The following GNA12 variants were observed in gnomAD, a reference collection of about 807,000 sequenced individuals.
The protein encoded by GNA12 is G protein subunit alpha 12, also known as guanine nucleotide-binding protein subunit alpha-12.
GNA12 carries 9 observed loss-of-function variants against 26.0 expected under a neutral mutation model. The ratio of observed to expected loss-of-function variants is 0.35; its 90% CI spans 0.21 to 0.60. The LOEUF is 0.60. Among genes scored for constraint, GNA12 ranks in the 20% least tolerant of loss-of-function variants. The pLI is 0.78. For missense variants in GNA12, 405 were observed against 525.8 expected, an observed-to-expected ratio of 0.77 and a Z score of 2.25; for synonymous variants, 264 against 219.6, an observed-to-expected ratio of 1.20 and a Z score of -1.79.
At chr7:2,814,179 T>C (rs1793158254) in intron 1 of GNA12, 1 of 637,254 alleles carries the variant, frequency 1.6e-6, no homozygotes, top group Admixed American at 2.6e-5. Flanking sequence ...GCTCCCAGAA[T>C]CACGTGAGTG....
chr7:2,808,500 G>C (rs987163631), intron 1 of GNA12, among the ~76,000 whole-genome samples: 2 of 152,208 alleles, frequency 1.3e-5, no homozygotes, highest in African/African-American at 4.8e-5. Context: ...CTGTGGGCCT[G>C]AATTTGGATG....
At chr7:2,734,748 C>T (rs752547158) in intron 2 of GNA12, among the ~76,000 whole-genome samples, 8 of 152,206 alleles carry the variant, frequency 5.3e-5, no homozygotes, top group Non-Finnish European at 7.3e-5. Context: ...CAGAAACACA[C>T]GTCTCCCCAT....
intron 1 of GNA12, among the ~76,000 whole-genome samples, chr7:2,814,547 T>C (rs1257985342): frequency 6.6e-6 from 1 of 151,990 alleles, no homozygotes; most frequent in African/African-American, 2.4e-5. Context: ...AAGTCTTTAC[T>C]GGGAAGGCCT....
intron 1 of GNA12, chr7:2,835,660 A>T (rs1183869196): frequency 2.1e-6 from 2 of 970,460 alleles, no homozygotes; most frequent in Non-Finnish European, 3.3e-6. Context: ...AGAAGATGTC[A>T]ATGTTACTTT....
In GNA12 at chr7:2,731,534, T is replaced by C; in HGVS notation, c.793A>G (p.Arg265Gly). The C allele has an allele frequency of 1.2e-6, 2 of 1,611,876 alleles. No homozygotes were observed. The highest frequency in any genetic ancestry group is 1.7e-6 in the Non-Finnish European group (2 of 1,178,404). ...GACTCCACCAGCCGGTTGGTGCGCC[T>C]GTCCTCCATGAGGACCTGGTCGTAC... Reference protein sequence around the residue: ...SEYDQVLMEDRRTNRLVESMN... With the variant: ...SEYDQVLMEDGRTNRLVESMN... The change falls in exon 4 of 4, where the codon AGG becomes GGG. Residue 265 changes from arginine to glycine, a missense_variant. Transcript: ENST00000275364. This position sits in a 1 kb window ranked among gnomAD's most constrained non-coding sequence, Gnocchi z 6.0.
chr7:2,733,583 G>A (rs547403146), intron 2 of GNA12, 82 bp from the exon 3 acceptor site: 4 of 1,075,436 alleles, frequency 3.7e-6, no homozygotes, highest in Admixed American at 1.8e-5. Flanking sequence ...AACAGGGTAA[G>A]AGCAGTGGCA....
chr7:2,842,260 T>TA (rs1441479926), intron 1 of GNA12, among the ~76,000 whole-genome samples: 2 of 152,206 alleles, frequency 1.3e-5, no homozygotes, highest in Admixed American at 6.5e-5. Context: ...TGAGGCCCTT[T>TA]AACACAGGCT....
At chr7:2,764,703 A>G (rs1303804778) in intron 2 of GNA12, 2 of 152,140 alleles carry the variant, frequency 1.3e-5, no homozygotes, top group East Asian at 1.9e-4. Flanking sequence ...ATTTCTCTGT[A>G]AACTGTAGGT....
At chr7:2,815,026 C>T in intron 1 of GNA12, 1 of 1,511,980 alleles carries the variant, frequency 6.6e-7, no homozygotes, top group Non-Finnish European at 8.9e-7. Context: ...CCACCCAATC[C>T]AGTCCCCTGT....
Position 2,728,490 on chromosome 7 carries a change from T to TA in GNA12, c.*2690dup, listed in dbSNP as rs1309085519. ...ACAATTTCTCTACGAACATAAGAGT[T>TA]AAAAATAGATTTCAGTAAAACCCTA... On this transcript the variant is annotated 3_prime_UTR_variant, in exon 4 of 4. Transcript: ENST00000275364. The TA allele has an allele frequency of 2.6e-5, 4 of 152,414 alleles. No homozygotes were observed. Among genetic ancestry groups the TA allele is most frequent in the African/African-American group, 4.8e-5 (2 of 41,458 alleles). 9.4% of individuals were successfully genotyped at this position (152,414 alleles called of 1,614,324 possible).
At chr7:2,776,035 G>A (rs912653120) in intron 2 of GNA12, among the ~76,000 whole-genome samples, 2 of 152,230 alleles carry the variant, frequency 1.3e-5, no homozygotes, top group Non-Finnish European at 2.9e-5. Flanking sequence ...AGCCCTGGGG[G>A]CTAACAATGG....
rs924711250 is a variant in GNA12, at chr7:2,844,281, C to T, written c.-120G>A. 2.9e-6 allele frequency: 1 copy of T among 343,036 alleles called. No individual in the cohort carries two copies. The highest frequency in any genetic ancestry group is 2.2e-5 in the African/African-American group (1 of 44,798). 21.2% of individuals were successfully genotyped at this position (343,036 alleles called of 1,614,324 possible). A position where few individuals can be genotyped will look rare whatever the true frequency, so the allele number is the denominator to read the frequency against. Reference sequence around the variant, plus strand: ...CCCCGCCGCTCGCCTCAGGCCGCGTCCGCCGCCGCCGCTGCAGTCGCTCCG... The same window carrying T: ...CCCCGCCGCTCGCCTCAGGCCGCGTTCGCCGCCGCCGCTGCAGTCGCTCCG... On this transcript the variant is annotated 5_prime_UTR_variant, in exon 1 of 4. Coordinates refer to ENST00000275364, the MANE Select transcript of GNA12 (RefSeq NM_007353.3).
intron 2 of GNA12, among the ~76,000 whole-genome samples, chr7:2,793,339 G>A (rs2644307): frequency 0.33 from 50,071 of 151,498 alleles, 9,330 homozygotes; most frequent in Non-Finnish European, 0.41. Context: ...GACGCGAGAG[G>A]AAGCAGCGGA....
At chr7:2,813,735 C>A (rs1365298976) in intron 1 of GNA12, among the ~76,000 whole-genome samples, 1 of 152,192 alleles carries the variant, frequency 6.6e-6, no homozygotes, top group East Asian at 1.9e-4. Flanking sequence ...TCTGGGGCCA[C>A]GCCTAAGTCT....
At chr7:2,769,224 T>TGGAC (rs1459004553) in intron 2 of GNA12, among the ~76,000 whole-genome samples, 1 of 152,140 alleles carries the variant, frequency 6.6e-6, no homozygotes, top group Non-Finnish European at 1.5e-5. Context: ...TGTTTCTGTG[T>TGGAC]GGACCTTCAT....
chr7:2,823,213 C>T (rs1793407543), intron 1 of GNA12, among the ~76,000 whole-genome samples: 1 of 152,174 alleles, frequency 6.6e-6, no homozygotes, highest in Admixed American at 6.5e-5. Flanking sequence ...CCTGAAGAAC[C>T]CTTCTGTCTG....
chr7:2,759,029 A>T (rs1237755092), intron 2 of GNA12, among the ~76,000 whole-genome samples: 1 of 151,860 alleles, frequency 6.6e-6, no homozygotes, highest in Non-Finnish European at 1.5e-5. Flanking sequence ...AATCCCAGCT[A>T]CTGGGGAGGC....
At chr7:2,773,151 G>A (rs2082980864) in intron 2 of GNA12, among the ~76,000 whole-genome samples, 1 of 152,240 alleles carries the variant, frequency 6.6e-6, no homozygotes, top group South Asian at 2.1e-4. Flanking sequence ...TTTCTTGGAT[G>A]CTGAAATGTT....
In GNA12 at chr7:2,775,923, C is replaced by A. The variant is rs1386056534; in HGVS notation, c.525+19005G>T. ...TGTGGAAAAGGTCCGTACAGCTAGGCTTAATGCAGCCATTCTGCCTGCCAG... is the reference window on the plus strand; with the variant it reads ...TGTGGAAAAGGTCCGTACAGCTAGGATTAATGCAGCCATTCTGCCTGCCAG... On this transcript the variant is annotated intron_variant, in intron 2 of 3. Coordinates refer to ENST00000275364, the MANE Select transcript of GNA12 (RefSeq NM_007353.3). 2.0e-5 allele frequency among the ~76,000 whole-genome samples: 3 copies of A among 152,210 alleles called. No individual in the cohort carries two copies. In the East Asian group the frequency reaches 5.8e-4, roughly 29 times the overall value.
Sources: gnomAD v4.1 joint callset for allele counts (sites outside exome capture counted in the v4.1 genomes callset) on GRCh38, gnomAD v4.1.1 for gene constraint, Gnocchi (gnomAD v3.1) non-coding constraint, MANE v1.5 for transcripts, NCBI Gene and HGNC (gene_info 2026-07-23, HGNC 2026-07-21) for gene names.